The following MPPED1 variants were observed in gnomAD, a reference collection of about 807,000 sequenced individuals.
The protein encoded by MPPED1 is metallophosphoesterase domain containing 1.
Under a neutral mutation model 36.2 loss-of-function variants are expected in MPPED1, and 16 were observed. The ratio of observed to expected loss-of-function variants is 0.44; its 90% CI spans 0.30 to 0.67. MPPED1 has a LOEUF of 0.67. Among genes scored for constraint, MPPED1 ranks in the 30% least tolerant of loss-of-function variants. The pLI, the probability that MPPED1 is intolerant of heterozygous loss-of-function variation, is 0.10. For missense variants in MPPED1, 307 were observed against 453.4 expected, an observed-to-expected ratio of 0.68 and a Z score of 2.93; for synonymous variants, 199 against 191.3, an observed-to-expected ratio of 1.04 and a Z score of -0.33.
At chr22:43,456,303 T>C (rs888855680) in intron 3 of MPPED1, among the ~76,000 whole-genome samples, 4 of 152,190 alleles carry the variant, frequency 2.6e-5, no homozygotes, top group African/African-American at 7.2e-5. Context: ...TATTTATTTG[T>C]TTATTTAGAG....
At chr22:43,443,217 TG>T (rs1236878327) in intron 3 of MPPED1, among the ~76,000 whole-genome samples, 1 of 152,130 alleles carries the variant, frequency 6.6e-6, no homozygotes, top group Non-Finnish European at 1.5e-5. Context: ...TGCTGCACAG[TG>T]GAGGCCTGTG....
chr22:43,499,185 G>T (rs1329647023), intron 5 of MPPED1, among the ~76,000 whole-genome samples: 1 of 150,042 alleles, frequency 6.7e-6, no homozygotes, highest in Non-Finnish European at 1.5e-5. Context: ...GGTGGAGATG[G>T]TGGTGGTGGT....
In MPPED1 at chr22:43,505,695, G is replaced by T; in HGVS notation, c.*79G>T. 7.5e-7 allele frequency: 1 copy of T among 1,338,866 alleles called. No homozygotes were observed. The highest frequency in any genetic ancestry group is 1.0e-6 in the Non-Finnish European group (1 of 961,950). 82.9% of individuals were successfully genotyped at this position (1,338,866 alleles called of 1,614,324 possible). ...CCGGCCACTGTTCCTTCCATGCTGAGTTGCCTGGACGACCCATCTGGCTGC... is the reference window on the plus strand; with the variant it reads ...CCGGCCACTGTTCCTTCCATGCTGATTTGCCTGGACGACCCATCTGGCTGC... On this transcript the variant is annotated 3_prime_UTR_variant, in exon 7 of 7. Coordinates refer to ENST00000443721, the MANE Select transcript of MPPED1 (RefSeq NM_001044370.2).
At chr22:43,491,057 A>G (rs1332389403) in intron 4 of MPPED1, among the ~76,000 whole-genome samples, 1 of 152,232 alleles carries the variant, frequency 6.6e-6, no homozygotes, top group Non-Finnish European at 1.5e-5. Context: ...TAACTGAAGT[A>G]TCCCTTTCCT....
intron 2 of MPPED1, among the ~76,000 whole-genome samples, chr22:43,427,899 A>G (rs570047579): frequency 7.2e-5 from 11 of 152,080 alleles, no homozygotes; most frequent in Non-Finnish European, 1.5e-4. Context: ...TCAGTGGAGG[A>G]AACAGCACCT....
At chr22:43,470,074 T>G (rs1354100971) in intron 3 of MPPED1, among the ~76,000 whole-genome samples, 1 of 137,060 alleles carries the variant, frequency 7.3e-6, no homozygotes, top group African/African-American at 2.5e-5. Flanking sequence ...AAATCATCCA[T>G]CCAGCCACCC....
At chr22:43,488,364 G>C (rs373773314) in intron 4 of MPPED1, among the ~76,000 whole-genome samples, 5 of 152,322 alleles carry the variant, frequency 3.3e-5, no homozygotes, top group African/African-American at 1.2e-4. Context: ...ACCCTACCTG[G>C]GGAGGCAGAG....
intron 3 of MPPED1, among the ~76,000 whole-genome samples, chr22:43,454,210 C>T (rs1184656103): frequency 6.6e-6 from 1 of 151,952 alleles, no homozygotes; most frequent in African/African-American, 2.4e-5. Context: ...GGTTTCACTG[C>T]GTTGGCCAGG....
At chr22:43,505,379 A>C in intron 6 of MPPED1, 119 bp from the exon 7 acceptor site, 1 of 765,706 alleles carries the variant, frequency 1.3e-6, no homozygotes, top group Non-Finnish European at 2.2e-6. Flanking sequence ...TCGAGAGTTT[A>C]CCAGCTTGCC....
At chr22:43,490,301 T>C (rs1224368854) in intron 4 of MPPED1, among the ~76,000 whole-genome samples, 1 of 152,238 alleles carries the variant, frequency 6.6e-6, no homozygotes, top group Admixed American at 6.5e-5. Context: ...CCAGACCCGC[T>C]GCCCTGTTGA....
intron 3 of MPPED1, among the ~76,000 whole-genome samples, chr22:43,459,646 C>G (rs1930876817): frequency 6.6e-6 from 1 of 152,182 alleles, no homozygotes. Flanking sequence ...AGGTATTTTA[C>G]TTTTCAACTC....
intron 4 of MPPED1, among the ~76,000 whole-genome samples, chr22:43,491,731 T>A (rs1048473309): frequency 8.9e-6 from 1 of 111,820 alleles, no homozygotes; most frequent in Admixed American, 8.6e-5. Flanking sequence ...AAGATGATGC[T>A]GGTGGTGGTG....
At chr22:43,499,541 ATGGTGGG>A (rs1932557711) in intron 5 of MPPED1, among the ~76,000 whole-genome samples, 2 of 35,846 alleles carry the variant, frequency 5.6e-5, no homozygotes, top group Admixed American at 2.9e-4. Context: ...GGTGGTGGTG[ATGGTGGG>A]TGGTGGTGGA....
intron 3 of MPPED1, among the ~76,000 whole-genome samples, chr22:43,471,209 A>G (rs1393972117): frequency 6.6e-6 from 1 of 152,278 alleles, no homozygotes; most frequent in Non-Finnish European, 1.5e-5. Context: ...AAGACATGAC[A>G]TAAATACATG....
intron 1 of MPPED1, chr22:43,416,683 G>T (rs1929085508): frequency 6.6e-6 from 1 of 152,154 alleles, no homozygotes. Flanking sequence ...CCATAGATAC[G>T]TGACTCTCCA....
intron 3 of MPPED1, among the ~76,000 whole-genome samples, chr22:43,444,415 A>G (rs1026631683): frequency 9.0e-5 from 12 of 133,540 alleles, no homozygotes; most frequent in Non-Finnish European, 1.4e-4. Context: ...CACCCAGGCT[A>G]GAGTGCAACG....
rs549053251 is a variant in MPPED1, at chr22:43,497,212, G to A, written c.633-1023G>A. ...AAGTGCTAGTGATGGTGGAGGTGGC[G>A]GTGTTGGAGGTGGTGATGCTGGTTA... On this transcript the variant is annotated intron_variant, in intron 4 of 6. Transcript: ENST00000443721. Among the ~76,000 whole-genome samples the A allele has an allele frequency of 1.1e-4, 16 of 152,030 alleles. No homozygotes were observed. The South Asian group carries it at 2.3e-3, about 22-fold the overall frequency.
intron 3 of MPPED1, among the ~76,000 whole-genome samples, chr22:43,466,183 C>T (rs1334386711): frequency 6.6e-6 from 1 of 152,176 alleles, no homozygotes; most frequent in Non-Finnish European, 1.5e-5. Flanking sequence ...GAAGAAAAAT[C>T]ACATTTGCCT....
intron 3 of MPPED1, among the ~76,000 whole-genome samples, chr22:43,442,514 G>A (rs1930185909): frequency 6.6e-6 from 1 of 152,188 alleles, no homozygotes; most frequent in African/African-American, 2.4e-5. Context: ...CCCTGTGCGG[G>A]GCTGCTCCTG....
Sources: allele counts gnomAD v4.1 joint callset (sites outside exome capture counted in the v4.1 genomes callset), GRCh38; gene constraint gnomAD v4.1.1; transcripts MANE v1.5; gene names NCBI Gene and HGNC (gene_info 2026-07-23, HGNC 2026-07-21).